The following KAZN variants were observed in gnomAD, a reference collection of about 807,000 sequenced individuals.
KAZN encodes kazrin.
Under a neutral mutation model 87.4 loss-of-function variants are expected in KAZN, and 40 were observed. That is an observed-to-expected ratio of 0.46 (90% confidence interval 0.36 to 0.60). The LOEUF (loss-of-function observed/expected upper bound fraction) is 0.60. Among genes scored for constraint, KAZN ranks in the 20% least tolerant of loss-of-function variants. The pLI is 0.00. For missense variants in KAZN, 898 were observed against 1,073.9 expected, an observed-to-expected ratio of 0.84 and a Z score of 2.29; for synonymous variants, 466 against 458.3, an observed-to-expected ratio of 1.02 and a Z score of -0.22.
intron 2 of KAZN, among the ~76,000 whole-genome samples, chr1:14,281,208 G>T (rs924813944): frequency 6.6e-6 from 1 of 152,070 alleles, no homozygotes; most frequent in Non-Finnish European, 1.5e-5. Flanking sequence ...ACTCTAGTTG[G>T]GTTTCCCTGG....
chr1:14,733,131 C>T (rs184010877), intron 1 of KAZN, among the ~76,000 whole-genome samples: 708 of 152,188 alleles, frequency 4.7e-3, no homozygotes, highest in Non-Finnish European at 7.0e-3. Context: ...GGCTGCAAAG[C>T]GGATCAGCTC....
At chr1:13,905,869 T>C (rs1639418671) in intron 1 of KAZN, among the ~76,000 whole-genome samples, 1 of 152,184 alleles carries the variant, frequency 6.6e-6, no homozygotes. Flanking sequence ...AAACATATTA[T>C]CTCATTGTTC....
intron 4 of KAZN, among the ~76,000 whole-genome samples, chr1:15,047,360 A>G (rs1240672315): frequency 6.6e-6 from 1 of 152,148 alleles, no homozygotes; most frequent in East Asian, 1.9e-4. Flanking sequence ...CTGGGTTGCA[A>G]GCAACAGAAA....
At chr1:14,726,424 AG>A (rs1387404752) in intron 1 of KAZN, among the ~76,000 whole-genome samples, 1 of 152,220 alleles carries the variant, frequency 6.6e-6, no homozygotes, top group African/African-American at 2.4e-5. Context: ...GCATCTCAGC[AG>A]GTGTGGAGCG....
At chr1:14,222,238 A>T (rs1198301264) in intron 2 of KAZN, 1 of 152,118 alleles carries the variant, frequency 6.6e-6, no homozygotes, top group Admixed American at 6.6e-5. Context: ...GGGTGATAAG[A>T]TTATTCGTGG....
At position 14,778,544 on chromosome 1, in the gene KAZN, T is replaced by C. The variant is rs78699676; in HGVS notation, c.226+179321T>C. Reference sequence around the variant, plus strand: ...GCCAAGTGGAGATCCGTTCAGTCCATTGGGAAGCTTAGGATTTTATTTTTA... The same window carrying C: ...GCCAAGTGGAGATCCGTTCAGTCCACTGGGAAGCTTAGGATTTTATTTTTA... On this transcript the variant is annotated intron_variant, in intron 1 of 14. Transcript: ENST00000376030. Among the ~76,000 whole-genome samples the C allele has an allele frequency of 3.9e-5, 6 of 152,262 alleles. No individual in the cohort carries two copies. In the East Asian group the frequency reaches 9.7e-4, roughly 25 times the overall value.
chr1:14,085,420 G>A (rs1044851365), intron 1 of KAZN, among the ~76,000 whole-genome samples: 3 of 152,064 alleles, frequency 2.0e-5, no homozygotes, highest in Non-Finnish European at 4.4e-5. Context: ...CCTTTACAGC[G>A]GATCCCTTCT....
chr1:14,970,456 G>C (rs927442438), intron 2 of KAZN, among the ~76,000 whole-genome samples: 3 of 152,202 alleles, frequency 2.0e-5, no homozygotes. Context: ...GGGTTCTGGT[G>C]ACTGACAGTC....
intron 1 of KAZN, among the ~76,000 whole-genome samples, chr1:14,934,756 G>A (rs1185693550): frequency 6.6e-6 from 1 of 152,244 alleles, no homozygotes; most frequent in Non-Finnish European, 1.5e-5. Context: ...TTTGGGGGCT[G>A]ATGCTGGCCA....
intron 1 of KAZN, among the ~76,000 whole-genome samples, chr1:14,021,376 C>T (rs1640817007): frequency 6.6e-6 from 1 of 152,166 alleles, no homozygotes. Flanking sequence ...CATAAGCAGA[C>T]CTATAGGATC....
intron 2 of KAZN, among the ~76,000 whole-genome samples, chr1:14,341,252 G>C (rs1423956512): frequency 1.3e-5 from 2 of 152,070 alleles, no homozygotes; most frequent in African/African-American, 4.8e-5. Context: ...AAAAAGATTA[G>C]GCACTCATCT....
Position 15,081,562 on chromosome 1 carries a change from G to A in KAZN, c.1223-12618G>A, listed in dbSNP as rs560209704. 2.2e-4 allele frequency among the ~76,000 whole-genome samples: 24 copies of A among 107,870 alleles called. No homozygotes were observed. In the East Asian group the frequency reaches 9.1e-3, roughly 41 times the overall value. The allele number at this position is 107,870 out of a possible 152,430, so 70.8% of individuals were successfully genotyped here. A position where few individuals can be genotyped will look rare whatever the true frequency, so the allele number is the denominator to read the frequency against. ...AAAGGTTCCAGGAATTAATGACAGCGTGTGTGTGTGTGTGTGTGAGTGTGT... is the reference window on the plus strand; with the variant it reads ...AAAGGTTCCAGGAATTAATGACAGCATGTGTGTGTGTGTGTGTGAGTGTGT... On this transcript the variant is annotated intron_variant, in intron 8 of 14. Coordinates refer to ENST00000376030, the MANE Select transcript of KAZN (RefSeq NM_201628.3). The surrounding 1 kb of genome is among the most constrained non-coding windows in gnomAD (Gnocchi z 4.1).
At chr1:14,864,219 C>G (rs1457028464) in intron 1 of KAZN, among the ~76,000 whole-genome samples, 2 of 152,196 alleles carry the variant, frequency 1.3e-5, no homozygotes, top group African/African-American at 2.4e-5. Flanking sequence ...GTGGTTACTA[C>G]TGAAAAGTGA....
At chr1:13,958,143 A>G (rs1486293900) in intron 1 of KAZN, among the ~76,000 whole-genome samples, 4 of 152,236 alleles carry the variant, frequency 2.6e-5, no homozygotes, top group African/African-American at 9.6e-5. Context: ...CACCAAAACC[A>G]TGATGTGTGT....
rs191420940 is a variant in KAZN, at chr1:14,686,523, T to G, written c.226+87300T>G. On this transcript the variant is annotated intron_variant, in intron 1 of 14. Coordinates refer to ENST00000376030, the MANE Select transcript of KAZN (RefSeq NM_201628.3). ...AAATTATGTCTTTATTCTACTTTTC[T>G]TAACTTATTTTTACAATGAACATCA... 1.6e-4 allele frequency among the ~76,000 whole-genome samples: 24 copies of G among 152,374 alleles called. No individual in the cohort carries two copies. The East Asian group carries it at 2.9e-3, about 18-fold the overall frequency.
chr1:14,390,324 A>C (rs1403317934), intron 2 of KAZN, among the ~76,000 whole-genome samples: 1 of 152,248 alleles, frequency 6.6e-6, no homozygotes, highest in Non-Finnish European at 1.5e-5. Flanking sequence ...AAAAATGTAC[A>C]GTATGATTTA....
At chr1:14,545,676 C>A (rs1435414379) in intron 2 of KAZN, among the ~76,000 whole-genome samples, 1 of 152,056 alleles carries the variant, frequency 6.6e-6, no homozygotes, top group Non-Finnish European at 1.5e-5. Context: ...CTTAAAAAAA[C>A]AAAGTTGTAT....
intron 1 of KAZN, among the ~76,000 whole-genome samples, chr1:14,135,693 A>C (rs1182202663): frequency 6.6e-6 from 1 of 152,128 alleles, no homozygotes; most frequent in Non-Finnish European, 1.5e-5. Context: ...CCACTTGAAC[A>C]TTTTCTTTTC....
intron 2 of KAZN, among the ~76,000 whole-genome samples, chr1:14,245,105 T>C (rs1157083520): frequency 6.6e-6 from 1 of 152,008 alleles, no homozygotes; most frequent in Non-Finnish European, 1.5e-5. Context: ...AGATTACCAG[T>C]GCCCACCACC....
Sources: gnomAD v4.1 joint callset for allele counts (sites outside exome capture counted in the v4.1 genomes callset) on GRCh38, gnomAD v4.1.1 for gene constraint, Gnocchi (gnomAD v3.1) non-coding constraint, MANE v1.5 for transcripts, NCBI Gene and HGNC (gene_info 2026-07-23, HGNC 2026-07-21) for gene names.